The following IL1RAPL2 variants were observed in gnomAD, a reference collection of about 807,000 sequenced individuals.
IL1RAPL2 encodes the protein interleukin 1 receptor accessory protein like 2.
IL1RAPL2 carries 3 observed loss-of-function variants against 44.1 expected under a neutral mutation model. The ratio of observed to expected loss-of-function variants is 0.07; its 90% CI spans 0.03 to 0.18. The LOEUF is 0.18. IL1RAPL2 is among the 10% of genes least tolerant of loss of function. The pLI is 1.00. For missense variants in IL1RAPL2, 391 were observed against 496.4 expected (o/e 0.79, Z 2.02); for synonymous variants, 181 against 178.8 (o/e 1.01, Z -0.10).
intron 2 of IL1RAPL2, among the ~76,000 whole-genome samples, chrX:104,960,342 T>G (rs1359752757): frequency 2.7e-5 from 3 of 111,859 alleles, no homozygotes; most frequent in South Asian, 3.7e-4. Flanking sequence ...AAAACAGACA[T>G]AGAGAGGTTA....
chrX:105,748,114 G>T (rs1230668573), intron 8 of IL1RAPL2, among the ~76,000 whole-genome samples: 7 of 111,234 alleles, frequency 6.3e-5, no homozygotes, highest in Non-Finnish European at 5.7e-5. Context: ...ATCTTTTGAT[G>T]ATACACTCTT....
At chrX:104,679,327 G>A (rs1930850877) in intron 2 of IL1RAPL2, among the ~76,000 whole-genome samples, 1 of 111,482 alleles carries the variant, frequency 9.0e-6, no homozygotes, top group East Asian at 2.8e-4. Context: ...ACCCTTAGGG[G>A]CCTTAACAAT....
At chrX:105,544,991 A>G (rs1340972991) in intron 6 of IL1RAPL2, among the ~76,000 whole-genome samples, 2 of 111,984 alleles carry the variant, frequency 1.8e-5, no homozygotes, top group African/African-American at 6.5e-5. Context: ...CAATTTAGCA[A>G]CAGTAAGTTC....
chrX:104,658,770 C>T, intron 1 of IL1RAPL2, 125 bp from the exon 2 acceptor site: 1 of 459,463 alleles, frequency 2.2e-6, no homozygotes, highest in Non-Finnish European at 3.8e-6. Flanking sequence ...AAAAATAAAG[C>T]CAGAAGACCC....
At chrX:105,072,894 G>C (rs57241797) in intron 2 of IL1RAPL2, among the ~76,000 whole-genome samples, 62 of 110,213 alleles carry the variant, frequency 5.6e-4, no homozygotes, top group African/African-American at 2.0e-3. Context: ...TTACGAGTGA[G>C]AACATGTGAT....
intron 6 of IL1RAPL2, among the ~76,000 whole-genome samples, chrX:105,600,913 G>T (rs1677461736): frequency 9.0e-6 from 1 of 111,054 alleles, no homozygotes; most frequent in South Asian, 3.7e-4. Flanking sequence ...ATTAACATAT[G>T]ATATCATCAA....
rs1316484653 is a variant in IL1RAPL2, at chrX:105,220,311, C to T, written c.357-13507C>T. ...TCTCAAGATAGAACTCGGGGCCTTT[C>T]GTGTGCCTGGCCATTTTCTCGTTGA... is the stretch of plus-strand genomic sequence containing the variant. On this transcript the variant is annotated intron_variant, in intron 3 of 10. Transcript: ENST00000372582. 1.1e-5 allele frequency: 13 copies of T among 1,208,237 alleles called. No individual in the cohort carries two copies. The Admixed American group carries it at 1.5e-4, about 14-fold the overall frequency.
chrX:105,280,294 A>G (rs1352835070), intron 5 of IL1RAPL2, among the ~76,000 whole-genome samples: 1 of 111,942 alleles, frequency 8.9e-6, no homozygotes, highest in Non-Finnish European at 1.9e-5. Context: ...TGGATCAAAG[A>G]CTTAAATGTA....
intron 6 of IL1RAPL2, among the ~76,000 whole-genome samples, chrX:105,662,109 T>C (rs1324131154): frequency 5.3e-5 from 6 of 112,356 alleles, no homozygotes; most frequent in Non-Finnish European, 1.1e-4. Context: ...TAGCAAAATC[T>C]TCAATCAGTG....
chrX:105,368,528 G>T (rs956906016), intron 5 of IL1RAPL2, among the ~76,000 whole-genome samples: 1 of 111,577 alleles, frequency 9.0e-6, no homozygotes, highest in African/African-American at 3.3e-5. Flanking sequence ...GCCTGCAGGG[G>T]TTCTGTTGAA....
intron 2 of IL1RAPL2, among the ~76,000 whole-genome samples, chrX:105,125,815 C>T (rs995639748): frequency 9.1e-6 from 1 of 110,061 alleles, no homozygotes; most frequent in Non-Finnish European, 1.9e-5. Context: ...CTATGGAAAT[C>T]GAGTAGAGTG....
chrX:105,006,364 T>A (rs973636567), intron 2 of IL1RAPL2, among the ~76,000 whole-genome samples: 6 of 110,301 alleles, frequency 5.4e-5, no homozygotes, highest in Non-Finnish European at 9.5e-5. Flanking sequence ...CTCACAAAAA[T>A]TCACTTCACC....
chrX:105,124,599 C>G (rs1283452892), intron 2 of IL1RAPL2, among the ~76,000 whole-genome samples: 1 of 110,252 alleles, frequency 9.1e-6, no homozygotes, highest in Non-Finnish European at 1.9e-5. Flanking sequence ...TGACTCCCTC[C>G]TCATTTTCTA....
chrX:105,727,931 C>T (rs180935696), intron 7 of IL1RAPL2, among the ~76,000 whole-genome samples: 37 of 111,370 alleles, frequency 3.3e-4, no homozygotes, highest in Admixed American at 2.9e-3. Flanking sequence ...GTGGAAAGTA[C>T]AGAGTTCCCA....
At chrX:105,445,531 C>G (rs2035948780) in intron 5 of IL1RAPL2, among the ~76,000 whole-genome samples, 1 of 110,786 alleles carries the variant, frequency 9.0e-6, no homozygotes, top group South Asian at 3.7e-4. Context: ...TAGGGACTTA[C>G]AAATTTTTCT....
At chrX:104,751,207 T>C (rs187925606) in intron 2 of IL1RAPL2, among the ~76,000 whole-genome samples, 1 of 111,672 alleles carries the variant, frequency 9.0e-6, no homozygotes, top group East Asian at 2.8e-4. Context: ...TGCATGTATA[T>C]CATAACTCAG....
At chrX:104,855,685 T>TTTTTTTTTTTTTTG (rs1922344746) in intron 2 of IL1RAPL2, among the ~76,000 whole-genome samples, 2 of 93,484 alleles carry the variant, frequency 2.1e-5, no homozygotes, top group East Asian at 7.0e-4. Context: ...GGATCCGTTT[T>TTTTTTTTTTTTTTG]TTTTTTTTTT....
intron 7 of IL1RAPL2, among the ~76,000 whole-genome samples, chrX:105,720,716 T>C (rs1481138136): frequency 9.0e-6 from 1 of 111,271 alleles, no homozygotes; most frequent in Non-Finnish European, 1.9e-5. Flanking sequence ...CTTGCCTGAA[T>C]AGCTAGACAT....
At chrX:104,809,066 CT>C (rs754346049) in intron 2 of IL1RAPL2, among the ~76,000 whole-genome samples, 7 of 111,865 alleles carry the variant, frequency 6.3e-5, no homozygotes, top group Non-Finnish European at 1.1e-4. Context: ...TAAATCAGAT[CT>C]TTTGAGTCTT....
Sources: gnomAD v4.1 joint callset for allele counts (sites outside exome capture counted in the v4.1 genomes callset) on GRCh38, gnomAD v4.1.1 for gene constraint, MANE v1.5 for transcripts, NCBI Gene and HGNC (gene_info 2026-07-23, HGNC 2026-07-21) for gene names.